The following STARD13 variants were observed in gnomAD, a reference collection of about 807,000 sequenced individuals.
STARD13 encodes the protein StAR related lipid transfer domain containing 13, also known as stAR-related lipid transfer protein 13.
STARD13 carries 62 observed loss-of-function variants against 106.4 expected under a neutral mutation model. The ratio of observed to expected loss-of-function variants is 0.58; its 90% CI spans 0.48 to 0.72. The LOEUF is 0.72. Ranked by LOEUF, STARD13 falls within the 30% of genes least tolerant of loss-of-function variation. STARD13 has a pLI of 0.00. For synonymous variants in STARD13, 565 were observed against 553.0 expected, an observed-to-expected ratio of 1.02 and a Z score of -0.31; for missense variants, 1,387 against 1,424.0, an observed-to-expected ratio of 0.97 and a Z score of 0.42.
At chr13:33,261,674 A>G (rs1489669001) in intron 1 of STARD13, among the ~76,000 whole-genome samples, 1 of 152,146 alleles carries the variant, frequency 6.6e-6, no homozygotes, top group Non-Finnish European at 1.5e-5. Context: ...CAGTGGCATT[A>G]TTTTTTATTG....
the STARD13 span, among the ~76,000 whole-genome samples, chr13:33,410,642 C>A: frequency 6.6e-6 from 1 of 152,182 alleles, no homozygotes; most frequent in Non-Finnish European, 1.5e-5. Context: ...ATGGTTAAAA[C>A]AAACTGTCTG....
the STARD13 span, among the ~76,000 whole-genome samples, chr13:33,628,761 CAG>C: frequency 1.3e-5 from 2 of 152,124 alleles, no homozygotes; most frequent in Non-Finnish European, 2.9e-5. Flanking sequence ...AGGGGATGAA[CAG>C]AGACTTTTCA....
the STARD13 span, among the ~76,000 whole-genome samples, chr13:33,448,793 T>G: frequency 6.6e-6 from 1 of 152,174 alleles, no homozygotes; most frequent in Non-Finnish European, 1.5e-5. Context: ...TTGATAATAG[T>G]CATTCTAACC....
the STARD13 span, among the ~76,000 whole-genome samples, chr13:33,356,980 T>C: frequency 1.3e-5 from 2 of 152,260 alleles, no homozygotes; most frequent in South Asian, 2.1e-4. Flanking sequence ...TTGTTCTACC[T>C]ACCCTGCTCA....
chr13:33,605,808 T>G, the STARD13 span, among the ~76,000 whole-genome samples: 1 of 152,226 alleles, frequency 6.6e-6, no homozygotes, highest in Non-Finnish European at 1.5e-5. Context: ...CAGGCCATAG[T>G]TCTACTTCGG....
chr13:33,486,715 C>T, the STARD13 span, among the ~76,000 whole-genome samples: 1 of 152,176 alleles, frequency 6.6e-6, no homozygotes, highest in Non-Finnish European at 1.5e-5. Context: ...AGCCATTCCT[C>T]TCCCCTAACA....
At chr13:33,375,733 G>T in the STARD13 span, among the ~76,000 whole-genome samples, 2 of 152,206 alleles carry the variant, frequency 1.3e-5, no homozygotes, top group South Asian at 2.1e-4. Flanking sequence ...ACCTCCCACT[G>T]GATCTCTCCC....
chr13:33,259,550 T>C (rs1890533102), intron 1 of STARD13, among the ~76,000 whole-genome samples: 1 of 152,106 alleles, frequency 6.6e-6, no homozygotes, highest in African/African-American at 2.4e-5. Flanking sequence ...CACATCTACA[T>C]AGTTGTCATG....
chr13:33,388,490 T>C, the STARD13 span, among the ~76,000 whole-genome samples: 4 of 152,206 alleles, frequency 2.6e-5, no homozygotes, highest in African/African-American at 9.6e-5. Context: ...AGGAGCTCTT[T>C]AGCTGCTGGG....
chr13:33,352,519 G>A (rs2078088579), upstream of STARD13, among the ~76,000 whole-genome samples: 1 of 152,208 alleles, frequency 6.6e-6, no homozygotes, highest in South Asian at 2.1e-4. Flanking sequence ...ATATTCAGAT[G>A]CCATTGATTA....
chr13:33,643,780 C>G, the STARD13 span, among the ~76,000 whole-genome samples: 1 of 152,212 alleles, frequency 6.6e-6, no homozygotes, highest in South Asian at 2.1e-4. Context: ...TCTTAAACTT[C>G]CCCAACAACT....
chr13:33,563,597 A>G, the STARD13 span, among the ~76,000 whole-genome samples: 1 of 147,448 alleles, frequency 6.8e-6, no homozygotes, highest in African/African-American at 2.5e-5. Flanking sequence ...AAAAGACTCA[A>G]ATATAAGCCT....
In STARD13 at chr13:33,126,134, G is replaced by A. The variant is rs1877129936; in HGVS notation, c.2029C>T (p.Pro677Ser). 2 of 1,614,076 alleles carry A rather than the reference G, an allele frequency of 1.2e-6. No homozygotes were observed. Among genetic ancestry groups the A allele is most frequent in the African/African-American group, 1.3e-5 (1 of 74,928 alleles). ...VHVQRTGQPL[P>S]QSIQQALRYL... ...CTCAGTGCTTGCTGAATACTTTGAG[G>A]CAGGGGCTGTCCCGTTCTTTGGACG... Residue 677 changes from proline (P) to serine (S), a missense_variant, in exon 7 of 14, where the codon CCT becomes TCT. Pro to Ser is a moderately conservative substitution (Grantham distance 74). Coordinates refer to ENST00000336934, the MANE Select transcript of STARD13 (RefSeq NM_178006.4).
chr13:33,271,267 C>G (rs117217237), intron 1 of STARD13: 4,055 of 152,368 alleles, frequency 0.027, 91 homozygotes, highest in Non-Finnish European at 0.041. Flanking sequence ...TTAATACACA[C>G]TTTTCTCTCA....
chr13:33,171,177 A>G (rs1269997438), intron 1 of STARD13, among the ~76,000 whole-genome samples: 1 of 152,224 alleles, frequency 6.6e-6, no homozygotes, highest in Non-Finnish European at 1.5e-5. Context: ...TATTAAAATC[A>G]CATTTTGACA....
chr13:33,412,974 G>C, the STARD13 span, among the ~76,000 whole-genome samples: 1 of 152,144 alleles, frequency 6.6e-6, no homozygotes, highest in East Asian at 1.9e-4. Flanking sequence ...AATATTTATA[G>C]AACACTTCAC....
At chr13:33,113,088 T>C in intron 8 of STARD13, 157 bp from the exon 9 acceptor site, 1 of 576,968 alleles carries the variant, frequency 1.7e-6, no homozygotes, top group Non-Finnish European at 3.0e-6. Flanking sequence ...AAGAAGTCAG[T>C]AATTGCTGAG....
chr13:33,142,138 C>T (rs1244208074), intron 4 of STARD13, among the ~76,000 whole-genome samples, 172 bp downstream of exon 4: 3 of 152,148 alleles, frequency 2.0e-5, no homozygotes, highest in Non-Finnish European at 4.4e-5. Context: ...AAGCAATGCC[C>T]CCAACTCAGC....
At chr13:33,318,483 G>A (rs901759802) in intron 1 of STARD13, among the ~76,000 whole-genome samples, 2 of 152,078 alleles carry the variant, frequency 1.3e-5, no homozygotes, top group Non-Finnish European at 2.9e-5. Context: ...AAAACTCTTA[G>A]AAGAAAACAT....
Sources: gnomAD v4.1 joint callset for allele counts (sites outside exome capture counted in the v4.1 genomes callset) on GRCh38, gnomAD v4.1.1 for gene constraint, MANE v1.5 for transcripts, NCBI Gene and HGNC (gene_info 2026-07-23, HGNC 2026-07-21) for gene names.